UHRF1: variants seen among roughly 807,000 people sequenced by gnomAD.
UHRF1 encodes E3 ubiquitin-protein ligase UHRF1.
A neutral mutation model predicts 96.5 loss-of-function variants in UHRF1; 9 were observed. The ratio of observed to expected loss-of-function variants is 0.09; its 90% CI spans 0.06 to 0.16. The LOEUF is 0.16. Ranked by LOEUF, UHRF1 falls within the 10% of genes least tolerant of loss-of-function variation. The pLI is 1.00. For synonymous variants in UHRF1, 455 were observed against 469.9 expected (o/e 0.97, Z 0.41); for missense variants, 626 against 1,131.1 (o/e 0.55, Z 6.40).
At position 4,960,733 on chromosome 19, in the gene UHRF1, C is replaced by T. The variant is rs776060791; in HGVS notation, c.2312C>T (p.Ala771Val). ...ACRYDLGRSY[A>V]MQVNQPLQTV... ...CGCTACGACCTGGGCCGCAGCTATG[C>T]CATGCAGGTGAACCAGCCTCTGCAG... The change falls in exon 17 of 17, where the codon GCC (alanine) becomes GTC (valine). Residue 771 changes from alanine to valine, a missense_variant. Transcript: ENST00000650932. 5.1e-6 allele frequency: 8 copies of T among 1,569,600 alleles called. No individual in the cohort carries two copies. In the South Asian group the frequency reaches 8.2e-5, roughly 16 times the overall value.
Position 4,961,687 on chromosome 19 carries a change from G to A in UHRF1, c.*884G>A, listed in dbSNP as rs1054167631. On this transcript the variant is annotated 3_prime_UTR_variant, in exon 17 of 17. Coordinates refer to ENST00000650932, the MANE Select transcript of UHRF1 (RefSeq NM_001048201.3). ...CGGTCATCCAGTTCTTCCTGACACC[G>A]GATGGGTGCTTGGGAACCGTTTGAG... The A allele has an allele frequency of 2.6e-5, 4 of 151,866 alleles. No homozygotes were observed. The highest frequency in any genetic ancestry group is 7.2e-5 in the African/African-American group (3 of 41,436). The allele number at this position is 151,866 out of a possible 1,614,324, so 9.4% of individuals were successfully genotyped here. A position where few individuals can be genotyped will look rare whatever the true frequency, so the allele number is the denominator to read the frequency against.
intron 16 of UHRF1, among the ~76,000 whole-genome samples, chr19:4,957,761 A>C (rs1224963726): frequency 2.0e-5 from 3 of 152,084 alleles, no homozygotes; most frequent in Non-Finnish European, 4.4e-5. Flanking sequence ...CACCCACTCC[A>C]TGCCAGGAGC....
At chr19:4,920,891 C>T (rs1408783175) in intron 2 of UHRF1, among the ~76,000 whole-genome samples, 2 of 152,000 alleles carry the variant, frequency 1.3e-5, no homozygotes, top group Non-Finnish European at 2.9e-5. Context: ...TTTGGGAGGC[C>T]AAGGCGGGTG....
chr19:4,913,807 C>CTTTTT (rs11341952), intron 2 of UHRF1, among the ~76,000 whole-genome samples: 12 of 110,142 alleles, frequency 1.1e-4, no homozygotes, highest in African/African-American at 4.5e-4. Flanking sequence ...CATGCAGTAG[C>CTTTTT]TTTTTTTTTT....
intron 15 of UHRF1, among the ~76,000 whole-genome samples, chr19:4,956,292 C>T (rs1475833206): frequency 6.6e-6 from 1 of 152,182 alleles, no homozygotes; most frequent in Non-Finnish European, 1.5e-5. Flanking sequence ...TCTTGAACAC[C>T]TGGCTCAAGC....
At chr19:4,927,270 A>C (rs998999250) in intron 2 of UHRF1, among the ~76,000 whole-genome samples, 4 of 149,228 alleles carry the variant, frequency 2.7e-5, no homozygotes, top group Non-Finnish European at 5.9e-5. Context: ...GTCCCAAGCT[A>C]CTCAGGAGGC....
chr19:4,904,230 G>T (rs2032014329), intron 1 of UHRF1, among the ~76,000 whole-genome samples: 1 of 152,024 alleles, frequency 6.6e-6, no homozygotes, highest in Admixed American at 6.6e-5. Context: ...CCAGGCTGGA[G>T]TGCAGTGGTG....
chr19:4,960,716 C>A lies in UHRF1; in HGVS notation c.2295C>A (p.Asp765Glu). ...QVFSCPACRYDLGRSYAMQVN... is the reference protein window; with the variant it reads ...QVFSCPACRYELGRSYAMQVN... Reference sequence around the variant, plus strand: ...TCAGCTGCCCTGCCTGCCGCTACGACCTGGGCCGCAGCTATGCCATGCAGG... The same window carrying A: ...TCAGCTGCCCTGCCTGCCGCTACGAACTGGGCCGCAGCTATGCCATGCAGG... The change falls in exon 17 of 17, where the codon GAC (aspartate) becomes GAA (glutamate). Residue 765 changes from aspartate (D) to glutamate (E), a missense_variant. Asp to Glu is a conservative substitution (Grantham distance 45, BLOSUM62 2). Transcript: ENST00000650932. 6.3e-7 allele frequency: 1 copy of A among 1,578,696 alleles called. No homozygotes were observed. The highest frequency in any genetic ancestry group is 8.6e-7 in the Non-Finnish European group (1 of 1,162,876).
Position 4,961,947 on chromosome 19 carries a change from C to T in UHRF1, c.*1144C>T, listed in dbSNP as rs1489525855. 2 of 151,914 alleles carry T rather than the reference C, an allele frequency of 1.3e-5. No individual in the cohort carries two copies. Among genetic ancestry groups the T allele is most frequent in the East Asian group, 3.9e-4 (2 of 5,186 alleles). The allele number at this position is 151,914 out of a possible 1,614,324, so 9.4% of individuals were successfully genotyped here. On this transcript the variant is annotated 3_prime_UTR_variant, in exon 17 of 17. Transcript: ENST00000650932. ...TTCTAATTTTACCAAAGTTTGCAGC[C>T]TATACCTCAATAAAACAGGGATATT... is the stretch of plus-strand genomic sequence containing the variant.
intron 4 of UHRF1, among the ~76,000 whole-genome samples, chr19:4,931,912 C>A (rs2033065147): frequency 6.6e-6 from 1 of 152,198 alleles, no homozygotes; most frequent in Admixed American, 6.6e-5. Context: ...AGGCGTGCAC[C>A]ACTGCGCCCA....
At chr19:4,947,887 C>G (rs550300473) in intron 11 of UHRF1, among the ~76,000 whole-genome samples, 1 of 151,604 alleles carries the variant, frequency 6.6e-6, no homozygotes, top group Admixed American at 6.6e-5. Context: ...ACCTTGAGTT[C>G]AGGAGTTCAA....
rs570590554 is a variant in UHRF1, at chr19:4,948,389, A to AT, written c.1517+1179dup. Among the ~76,000 whole-genome samples, 19 of 152,348 alleles carry AT rather than the reference A, an allele frequency of 1.2e-4. No homozygotes were observed. The East Asian group carries it at 3.5e-3, about 28-fold the overall frequency. On this transcript the variant is annotated intron_variant, in intron 11 of 16. Coordinates refer to ENST00000650932, the MANE Select transcript of UHRF1 (RefSeq NM_001048201.3). The stretch of plus-strand genomic sequence containing the variant: ...AGATTTGATTATCTAAACATTATAA[A>AT]TATATTACATAAATAAATCCTATAA...
rs1211017367 is a variant in UHRF1 at position 4,941,907 on chromosome 19, G to T, written c.1049G>T (p.Ser350Ile). The T allele has an allele frequency of 2.0e-6, 3 of 1,527,386 alleles. No homozygotes were observed. In the South Asian group the frequency reaches 3.8e-5, roughly 19 times the overall value. 94.6% of individuals were successfully genotyped at this position (1,527,386 alleles called of 1,614,324 possible). A position where few individuals can be genotyped will look rare whatever the true frequency, so the allele number is the denominator to read the frequency against. Residue 350 changes from serine (S) to isoleucine (I), a missense_variant, in exon 7 of 17, where the codon AGC becomes ATC. This residue lies in a region of UHRF1 where 69 missense variants were observed against 159.8 expected (regional missense o/e 0.43). Transcript: ENST00000650932. Reference protein sequence around the residue: ...FHIYCLDPPLSSVPSEDEWYC... With the variant: ...FHIYCLDPPLISVPSEDEWYC... ...ATCTACTGCCTGGACCCGCCCCTCAGCAGTGTTCCCAGCGAGGACGAGTGG... is the reference window on the plus strand; with the variant it reads ...ATCTACTGCCTGGACCCGCCCCTCATCAGTGTTCCCAGCGAGGACGAGTGG...
In UHRF1 at chr19:4,960,813, A is replaced by G; in HGVS notation, c.*10A>G. 6.8e-7 allele frequency: 1 copy of G among 1,473,872 alleles called. No homozygotes were observed. Among genetic ancestry groups the G allele is most frequent in the African/African-American group, 1.4e-5 (1 of 69,720 alleles). The allele number at this position is 1,473,872 out of a possible 1,614,324, so 91.3% of individuals were successfully genotyped here. A position where few individuals can be genotyped will look rare whatever the true frequency, so the allele number is the denominator to read the frequency against. ...CGGCAATGGCCGGTGATCTCCAAGC[A>G]CTTCTCGACAGGCGTTTTGCTGAAA... is the stretch of plus-strand genomic sequence containing the variant. On this transcript the variant is annotated 3_prime_UTR_variant, in exon 17 of 17. Coordinates refer to ENST00000650932, the MANE Select transcript of UHRF1 (RefSeq NM_001048201.3).
In UHRF1 at chr19:4,921,241, A is replaced by G. The variant is rs113402507; in HGVS notation, c.154-7981A>G. ...GATCAACTGAGGTGGGGATTTCGAG[A>G]CCAGCCTGACCAACATGGAGAAACC... On this transcript the variant is annotated intron_variant, in intron 2 of 16. Transcript: ENST00000650932. Among the ~76,000 whole-genome samples, 485 of 152,174 alleles carry G rather than the reference A, an allele frequency of 3.2e-3. 4 individuals are homozygous for G. The highest frequency in any genetic ancestry group is 0.011 in the African/African-American group (458 of 41,538).
chr19:4,945,811 T>G, intron 9 of UHRF1, 50 bp from the exon 10 acceptor site: 1 of 1,508,252 alleles, frequency 6.6e-7, no homozygotes, highest in Non-Finnish European at 9.1e-7. Flanking sequence ...GGAGCTTCTC[T>G]GCAGCAGTCA....
rs2033964773 is a variant in UHRF1 at position 4,960,663 on chromosome 19, C to A, written c.2242C>A (p.Leu748Met). 8.7e-6 allele frequency: 14 copies of A among 1,612,484 alleles called. No homozygotes were observed. Among genetic ancestry groups the A allele is most frequent in the Non-Finnish European group, 1.2e-5 (14 of 1,179,390 alleles). ...VCQHNVCKDCLDRSFRAQVFS... is the reference protein window; with the variant it reads ...VCQHNVCKDCMDRSFRAQVFS... The stretch of plus-strand genomic sequence containing the variant: ...CGCCTGCTGTGTCTTACAGGACTGC[C>A]TGGACAGATCCTTTCGGGCACAGGT... Residue 748 changes from leucine to methionine, a missense_variant, in exon 17 of 17, where the codon CTG (leucine) becomes ATG (methionine). Physicochemically the swap from Leu to Met is conservative, Grantham distance 15. Coordinates refer to ENST00000650932, the MANE Select transcript of UHRF1 (RefSeq NM_001048201.3).
intron 16 of UHRF1, among the ~76,000 whole-genome samples, chr19:4,959,337 A>G (rs1421972000): frequency 6.6e-6 from 1 of 152,124 alleles, no homozygotes; most frequent in Non-Finnish European, 1.5e-5. Context: ...CTTAAAAAAA[A>G]ACAACAAAAA....
upstream of UHRF1, among the ~76,000 whole-genome samples, chr19:4,906,564 G>T (rs1178266132): frequency 6.6e-6 from 1 of 152,088 alleles, no homozygotes; most frequent in African/African-American, 2.4e-5. Context: ...GACCAGCCTG[G>T]CCAATGTGGT....
Sources: allele counts gnomAD v4.1 joint callset (sites outside exome capture counted in the v4.1 genomes callset), GRCh38; gene constraint gnomAD v4.1.1; regional missense constraint gnomAD v4.1.1; transcripts MANE v1.5; gene names NCBI Gene and HGNC (gene_info 2026-07-23, HGNC 2026-07-21).